Variants in ODAD4 observed in about 807,000 individuals in gnomAD.
The protein encoded by ODAD4 is outer dynein arm-docking complex subunit 4.
ODAD4 carries 49 observed loss-of-function variants against 51.8 expected under a neutral mutation model. The observed-to-expected ratio is 0.95, with a 90% confidence interval of 0.75 to 1.20. The LOEUF is 1.20. Among genes scored for constraint, ODAD4 ranks in the 50% most tolerant of loss-of-function variants. The pLI is 0.00. For synonymous variants in ODAD4, 235 were observed against 221.3 expected (o/e 1.06, Z -0.55); for missense variants, 590 against 586.5 (o/e 1.01, Z -0.06).
At chr17:41,936,558 G>T in intron 4 of ODAD4, 24 bp downstream of exon 4, 1 of 1,604,790 alleles carries the variant, frequency 6.2e-7, no homozygotes, top group Admixed American at 1.7e-5. Context: ...TTCTGTGGTT[G>T]TATCCCTCCA....
intron 11 of ODAD4, among the ~76,000 whole-genome samples, chr17:41,961,722 A>G (rs1409045218): frequency 1.3e-5 from 2 of 152,228 alleles, no homozygotes; most frequent in Non-Finnish European, 2.9e-5. Context: ...CATCAAGTAT[A>G]TGGTGAGCAC....
At chr17:41,947,005 C>T (rs2050596746) in intron 8 of ODAD4, among the ~76,000 whole-genome samples, 1 of 151,858 alleles carries the variant, frequency 6.6e-6, no homozygotes, top group Non-Finnish European at 1.5e-5. Context: ...CGCCCGCCAC[C>T]ACGCCTGGCT....
intron 7 of ODAD4, among the ~76,000 whole-genome samples, chr17:41,944,395 C>T (rs1952739583): frequency 8.9e-4 from 5 of 5,592 alleles, no homozygotes; most frequent in Non-Finnish European, 1.4e-3. Context: ...CACACATACA[C>T]ACACACACAC....
intron 8 of ODAD4, among the ~76,000 whole-genome samples, chr17:41,945,689 A>G (rs1242617509): frequency 1.3e-5 from 2 of 152,190 alleles, no homozygotes; most frequent in Admixed American, 6.5e-5. Flanking sequence ...ACTTGAGGTC[A>G]GGAGTTCGAG....
chr17:41,943,445 C>T (rs1465793289), intron 7 of ODAD4, among the ~76,000 whole-genome samples: 1 of 152,114 alleles, frequency 6.6e-6, no homozygotes, highest in Non-Finnish European at 1.5e-5. Context: ...AAAAGAGAGT[C>T]AGCAAAGGGT....
At chr17:41,960,736 G>T (rs782647437) in intron 10 of ODAD4, among the ~76,000 whole-genome samples, 21 of 152,214 alleles carry the variant, frequency 1.4e-4, no homozygotes, top group Non-Finnish European at 2.2e-4. Context: ...CACAGTGGGA[G>T]GGAGGTGGGG....
intron 7 of ODAD4, among the ~76,000 whole-genome samples, chr17:41,941,510 TC>T (rs59764529): frequency 1.3e-5 from 2 of 152,150 alleles, no homozygotes; most frequent in Non-Finnish European, 2.9e-5. Context: ...ACGCCTGTAA[TC>T]CCAGCATTTT....
intron 10 of ODAD4, among the ~76,000 whole-genome samples, chr17:41,957,301 A>T (rs1276530993): frequency 6.6e-6 from 1 of 152,060 alleles, no homozygotes; most frequent in South Asian, 2.1e-4. Flanking sequence ...TGGTTTCGGG[A>T]TGAAACTGTT....
intron 7 of ODAD4, among the ~76,000 whole-genome samples, chr17:41,944,228 G>A (rs1555639085): frequency 6.6e-6 from 1 of 151,758 alleles, no homozygotes; most frequent in Non-Finnish European, 1.5e-5. Flanking sequence ...AGCTGGGCGT[G>A]GTGGCATGTG....
In ODAD4 at chr17:41,939,096, A is replaced by G; in HGVS notation, c.982A>G (p.Asn328Asp). The G allele has an allele frequency of 6.2e-7, 1 of 1,614,024 alleles. No individual in the cohort carries two copies. ...TGGAAACTTGTATAGCTGCATAGGG[A>G]ATGCCCAGATTGAGCTGGGGCAGAT... Reference protein sequence around the residue: ...LVGNLYSCIGNAQIELGQMEA... With the variant: ...LVGNLYSCIGDAQIELGQMEA... The change falls in exon 7 of 12, where the codon AAT becomes GAT. Residue 328 changes from asparagine (N) to aspartate (D), a missense_variant. Coordinates refer to ENST00000377540, the MANE Select transcript of ODAD4 (RefSeq NM_031421.5).
At chr17:41,955,646 G>A (rs566931434) in intron 10 of ODAD4, among the ~76,000 whole-genome samples, 10 of 151,992 alleles carry the variant, frequency 6.6e-5, no homozygotes, top group Admixed American at 4.6e-4. Flanking sequence ...GGATGGTCTC[G>A]ATCTCCTGAC....
In ODAD4 at chr17:41,964,063, A is replaced by ATT. The variant is rs539389648; in HGVS notation, c.1529-917_1529-916dup. 7.3e-3 allele frequency among the ~76,000 whole-genome samples: 1,021 copies of ATT among 140,534 alleles called. 10 individuals carry two copies. Among genetic ancestry groups the ATT allele is most frequent in the African/African-American group, 0.022 (823 of 37,872 alleles). The allele number at this position is 140,534 out of a possible 152,430, so 92.2% of individuals were successfully genotyped here. A position where few individuals can be genotyped will look rare whatever the true frequency, so the allele number is the denominator to read the frequency against. On this transcript the variant is annotated intron_variant, in intron 11 of 11. Transcript: ENST00000377540. ...AGTCTTGTGCCACCACTCCCGGTTA[A>ATT]TTTTTTTTTTTTTTGAGATGGAGTT...
In ODAD4 at chr17:41,965,443, C is replaced by G. The variant is rs994514258; in HGVS notation, c.1979C>G (p.Thr660Arg). Residue 660 changes from threonine (T) to arginine (R), a missense_variant, in exon 12 of 12, where the codon ACG becomes AGG. Physicochemically the swap from Thr to Arg is moderately conservative, Grantham distance 71. Around this residue, in one of 3 missense-constraint regions of ODAD4, gnomAD observed 226 missense variants for 162.7 expected, o/e 1.39. Transcript: ENST00000377540. ...ACACAATTTGGAGAAATAGGAGAAA[C>G]GAAAAAAACAGGAAATGAGATGGAA... Reference protein sequence around the residue: ...GKTQFGEIGETKKTGNEMEKE... With the variant: ...GKTQFGEIGERKKTGNEMEKE... 1.3e-6 allele frequency: 1 copy of G among 765,480 alleles called. No individual in the cohort carries two copies. The highest frequency in any genetic ancestry group is 1.8e-5 in the Admixed American group (1 of 55,328). 47.4% of individuals were successfully genotyped at this position (765,480 alleles called of 1,614,324 possible). A position where few individuals can be genotyped will look rare whatever the true frequency, so the allele number is the denominator to read the frequency against.
At chr17:41,962,031 G>A (rs11079026) in intron 11 of ODAD4, among the ~76,000 whole-genome samples, 101,938 of 152,138 alleles carry the variant, frequency 0.67, 35,600 homozygotes, top group East Asian at 0.83. Flanking sequence ...TTCCAGCAGG[G>A]AACAGCAGGG....
chr17:41,945,338 C>A, intron 8 of ODAD4, 116 bp downstream of exon 8: 3 of 604,346 alleles, frequency 5.0e-6, no homozygotes, highest in Non-Finnish European at 8.2e-6. Context: ...AAGACTCCCT[C>A]TCTACAAAAA....
intron 8 of ODAD4, among the ~76,000 whole-genome samples, chr17:41,945,680 C>T (rs1598080559): frequency 6.6e-6 from 1 of 152,300 alleles, no homozygotes; most frequent in African/African-American, 2.4e-5. Flanking sequence ...AGGCGGATCA[C>T]TTGAGGTCAG....
rs950397494 is a variant in ODAD4, at chr17:41,965,095, A to T, written c.1631A>T (p.Asp544Val). The change falls in exon 12 of 12, where the codon GAT (aspartate) becomes GTT (valine). Residue 544 changes from aspartate (D) to valine (V), a missense_variant. Transcript: ENST00000377540. ...GTGAAGCAGTGGGACCATAGTGAGG[A>T]TGAGAAAGAGACAGATGAGGACGAT... ...KVVKQWDHSE[D>V]EKETDEDDEA... The T allele has an allele frequency of 3.9e-6, 3 of 770,072 alleles. No homozygotes were observed. Among genetic ancestry groups the T allele is most frequent in the Middle Eastern group, 2.2e-4 (1 of 4,450 alleles). 47.7% of individuals were successfully genotyped at this position (770,072 alleles called of 1,614,324 possible).
Position 41,965,319 on chromosome 17 carries a change from T to G in ODAD4, c.1855T>G (p.Leu619Val), listed in dbSNP as rs1555642480. Reference sequence around the variant, plus strand: ...AATTTATAGGAGGCCTTCGGGAGAATTAGAGCAAAGACTCTCAGGAGAATT... The same window carrying G: ...AATTTATAGGAGGCCTTCGGGAGAAGTAGAGCAAAGACTCTCAGGAGAATT... Reference protein sequence around the residue: ...REIYRRPSGELEQRLSGEFSR... With the variant: ...REIYRRPSGEVEQRLSGEFSR... Residue 619 changes from leucine to valine, a missense_variant, in exon 12 of 12, where the codon TTA (leucine) becomes GTA (valine). Coordinates refer to ENST00000377540, the MANE Select transcript of ODAD4 (RefSeq NM_031421.5). 1 of 780,472 alleles carries G rather than the reference T, an allele frequency of 1.3e-6. No homozygotes were observed. The highest frequency in any genetic ancestry group is 1.7e-5 in the Admixed American group (1 of 59,014). 48.3% of individuals were successfully genotyped at this position (780,472 alleles called of 1,614,324 possible).
At chr17:41,936,057 A>G (rs138688677) in intron 3 of ODAD4, among the ~76,000 whole-genome samples, 4 of 152,352 alleles carry the variant, frequency 2.6e-5, no homozygotes, top group African/African-American at 9.6e-5. Flanking sequence ...GTCAAAAGCT[A>G]TAATGCGGTC....
Sources: allele counts gnomAD v4.1 joint callset (sites outside exome capture counted in the v4.1 genomes callset), GRCh38; gene constraint gnomAD v4.1.1; regional missense constraint gnomAD v4.1.1; transcripts MANE v1.5; gene names NCBI Gene and HGNC (gene_info 2026-07-23, HGNC 2026-07-21).